DMD: variants seen among roughly 807,000 people sequenced by gnomAD.
The protein encoded by DMD is mutant dystrophin.
A neutral mutation model predicts 330.1 loss-of-function variants in DMD; 63 were observed. That is an observed-to-expected ratio of 0.19 (90% CI 0.16 to 0.24). DMD has a LOEUF of 0.24. Among genes scored for constraint, DMD ranks in the 10% least tolerant of loss-of-function variants. The pLI, the probability that DMD is intolerant of heterozygous loss-of-function variation, is 1.00. For synonymous variants in DMD, 1,223 were observed against 959.8 expected, an observed-to-expected ratio of 1.27 and a Z score of -5.07; for missense variants, 3,344 against 2,684.1, an observed-to-expected ratio of 1.25 and a Z score of -5.43.
At chrX:32,607,448 TTAGA>T (rs2056822737) in intron 12 of DMD, among the ~76,000 whole-genome samples, 1 of 95,743 alleles carries the variant, frequency 1.0e-5, no homozygotes, top group Admixed American at 1.2e-4. Context: ...TAGATATGAC[TTAGA>T]TAAAAATTTA....
chrX:32,757,476 G>A (rs1252113823), intron 7 of DMD, among the ~76,000 whole-genome samples: 1 of 111,183 alleles, frequency 9.0e-6, no homozygotes, highest in Non-Finnish European at 1.9e-5. Context: ...CCCAAATCTT[G>A]AATTGTAGCT....
intron 12 of DMD, among the ~76,000 whole-genome samples, chrX:32,613,018 A>G (rs778345476): frequency 8.9e-6 from 1 of 111,791 alleles, no homozygotes; most frequent in African/African-American, 3.2e-5. Flanking sequence ...ATTAAGTTTG[A>G]CAAAAGGCAG....
At chrX:32,602,461 T>C (rs1464738575) in intron 12 of DMD, among the ~76,000 whole-genome samples, 3 of 111,176 alleles carry the variant, frequency 2.7e-5, no homozygotes, top group African/African-American at 9.8e-5. Flanking sequence ...GGGTGGAAAG[T>C]TTCAGGCAGA....
intron 2 of DMD, among the ~76,000 whole-genome samples, chrX:32,908,653 A>G (rs964704068): frequency 1.9e-4 from 21 of 111,949 alleles, no homozygotes; most frequent in Admixed American, 1.6e-3. Flanking sequence ...ATTTTCATGG[A>G]ACACAGCATT....
intron 44 of DMD, among the ~76,000 whole-genome samples, chrX:32,021,649 T>C (rs182744181): frequency 1.8e-3 from 197 of 112,398 alleles, no homozygotes; most frequent in Non-Finnish European, 2.6e-3. Context: ...ATGTAAAATA[T>C]ACACTAGATT....
At chrX:33,288,522 T>A (rs1349320798) in intron 1 of DMD, among the ~76,000 whole-genome samples, 2 of 111,142 alleles carry the variant, frequency 1.8e-5, no homozygotes, top group Non-Finnish European at 3.8e-5. Context: ...TGCCCAAGTG[T>A]ACATCCCATT....
At chrX:31,598,555 G>A (rs2077211199) in intron 55 of DMD, among the ~76,000 whole-genome samples, 1 of 111,553 alleles carries the variant, frequency 9.0e-6, no homozygotes, top group Non-Finnish European at 1.9e-5. Flanking sequence ...CAGGAAATAA[G>A]ACTAATAAAA....
intron 11 of DMD, among the ~76,000 whole-genome samples, chrX:32,634,075 G>T (rs1446040374): frequency 2.7e-5 from 3 of 111,500 alleles, no homozygotes; most frequent in Non-Finnish European, 5.7e-5. Context: ...CCACCCAAAA[G>T]ATAAAGTCCT....
intron 7 of DMD, chrX:32,756,089 A>G (rs1283200955): frequency 8.9e-6 from 1 of 112,515 alleles, no homozygotes; most frequent in Non-Finnish European, 1.9e-5. Flanking sequence ...AGCAGCATTA[A>G]GCGCATAAAT....
At chrX:32,262,425 C>T (rs1325190206) in intron 43 of DMD, among the ~76,000 whole-genome samples, 2 of 111,150 alleles carry the variant, frequency 1.8e-5, no homozygotes, top group Non-Finnish European at 3.8e-5. Flanking sequence ...CTTGACTGTG[C>T]TAATAGTTTC....
intron 7 of DMD, among the ~76,000 whole-genome samples, chrX:32,734,716 C>A (rs200714214): frequency 2.7e-5 from 3 of 109,868 alleles, no homozygotes; most frequent in East Asian, 5.7e-4. Context: ...ATTCAACAAC[C>A]CTTCATGCTA....
intron 55 of DMD, among the ~76,000 whole-genome samples, chrX:31,597,394 A>G (rs1452832286): frequency 8.9e-6 from 1 of 111,784 alleles, no homozygotes; most frequent in African/African-American, 3.3e-5. Context: ...TACCAACTGC[A>G]TGCATGCTCT....
At chrX:31,178,313 C>A in intron 70 of DMD, 2 of 984,523 alleles carry the variant, frequency 2.0e-6, no homozygotes, top group Non-Finnish European at 2.6e-6. Flanking sequence ...CAAAAAGACA[C>A]ACATTTACTG....
intron 3 of DMD, 43 bp from the exon 4 acceptor site, chrX:32,844,903 C>CAATCTGCTAGAAAT (rs770370350): frequency 1.7e-4 from 173 of 1,021,173 alleles, no homozygotes; most frequent in Non-Finnish European, 1.6e-4. Flanking sequence ...AGCAGAGAGA[C>CAATCTGCTAGAAAT]CGACAATCTA....
chrX:33,329,836 T>A (rs192651449), intron 1 of DMD, among the ~76,000 whole-genome samples: 59 of 111,722 alleles, frequency 5.3e-4, no homozygotes, highest in Non-Finnish European at 4.5e-4. Flanking sequence ...TACTGGGGTG[T>A]GCCCAATCTG....
chrX:33,296,752 A>T (rs1375614144), intron 1 of DMD, among the ~76,000 whole-genome samples: 1 of 111,083 alleles, frequency 9.0e-6, no homozygotes, highest in Non-Finnish European at 1.9e-5. Flanking sequence ...TATAACATAT[A>T]CATAGCCCAT....
At chrX:31,174,916 C>T (rs2040359544) in intron 71 of DMD, among the ~76,000 whole-genome samples, 1 of 111,053 alleles carries the variant, frequency 9.0e-6, no homozygotes, top group South Asian at 3.8e-4. Flanking sequence ...TAATCATAAT[C>T]AAATTGAAAT....
intron 60 of DMD, among the ~76,000 whole-genome samples, chrX:31,407,716 G>A (rs757920496): frequency 2.8e-5 from 3 of 107,388 alleles, no homozygotes; most frequent in East Asian, 3.0e-4. Context: ...TCCTGACCTC[G>A]TGATCCATCC....
At chrX:32,822,338 C>A (rs932972938) in intron 5 of DMD, among the ~76,000 whole-genome samples, 3 of 109,939 alleles carry the variant, frequency 2.7e-5, no homozygotes, top group African/African-American at 9.9e-5. Flanking sequence ...AAGATGGTAA[C>A]CGTGGAAGTT....
Sources: allele counts gnomAD v4.1 joint callset (sites outside exome capture counted in the v4.1 genomes callset), GRCh38; gene constraint gnomAD v4.1.1; transcripts MANE v1.5; gene names NCBI Gene and HGNC (gene_info 2026-07-23, HGNC 2026-07-21).